The following PCDH9 variants were observed in gnomAD, a reference collection of about 807,000 sequenced individuals.
PCDH9 encodes protocadherin-9.
Under a neutral mutation model 70.6 loss-of-function variants are expected in PCDH9, and 24 were observed. The ratio of observed to expected loss-of-function variants is 0.34; its 90% confidence interval spans 0.25 to 0.48. The LOEUF (loss-of-function observed/expected upper bound fraction) is 0.48, where lower values mean the gene tolerates loss of function less well. Ranked by LOEUF, PCDH9 falls within the 20% of genes least tolerant of loss-of-function variation. PCDH9 has a pLI of 0.99. For missense variants in PCDH9, 1,281 were observed against 1,503.6 expected (o/e 0.85, Z 2.45); for synonymous variants, 562 against 558.5 (o/e 1.01, Z -0.09).
chr13:66,702,478 T>A lies in PCDH9; in HGVS notation c.3139-71067A>T, dbSNP rs138990404. ...GATCGGTTATGTGGGATAAATAACT[T>A]CTAAAGATCTAATGTGTAACATGGA... is the stretch of plus-strand genomic sequence containing the variant. On this transcript the variant is annotated intron_variant, in intron 3 of 4. Transcript: ENST00000377865. 2.9e-3 allele frequency among the ~76,000 whole-genome samples: 444 copies of A among 152,274 alleles called. 1 individual carries two copies. The highest frequency in any genetic ancestry group is 0.01 in the African/African-American group (424 of 41,558).
intron 4 of PCDH9, among the ~76,000 whole-genome samples, chr13:66,453,438 C>G (rs1958254395): frequency 1.3e-5 from 2 of 152,128 alleles, no homozygotes; most frequent in Admixed American, 6.6e-5. Context: ...ATATTGTTCC[C>G]TAATATTTTC....
At chr13:66,744,830 A>G (rs1405839267) in intron 3 of PCDH9, among the ~76,000 whole-genome samples, 1 of 152,140 alleles carries the variant, frequency 6.6e-6, no homozygotes, top group Non-Finnish European at 1.5e-5. Context: ...TCTCAAATAT[A>G]TATTAGTTCT....
rs942773156 is a variant in PCDH9, at chr13:66,932,328, T to G, written c.3037-28723A>C. On this transcript the variant is annotated intron_variant, in intron 2 of 4. Coordinates refer to ENST00000377865, the MANE Select transcript of PCDH9 (RefSeq NM_203487.3). Reference sequence around the variant, plus strand: ...AGCCAGGAGCATCCTTTCTGTTGTCTTTCAGCCATAAATCACTTTGAAGAA... The same window carrying G: ...AGCCAGGAGCATCCTTTCTGTTGTCGTTCAGCCATAAATCACTTTGAAGAA... Among the ~76,000 whole-genome samples, 4 of 152,270 alleles carry G rather than the reference T, an allele frequency of 2.6e-5. No homozygotes were observed. The East Asian group carries it at 7.7e-4, about 29-fold the overall frequency.
intron 2 of PCDH9, among the ~76,000 whole-genome samples, chr13:66,980,742 G>GTTTTTTTTTCTTTTTTTTTTTTTTTT (rs2083742387): frequency 9.3e-6 from 1 of 107,384 alleles, no homozygotes. Flanking sequence ...TTTTTTTTTT[G>GTTTTTTTTTCTTTTTTTTTTTTTTTT]TTTTTTTTTT....
intron 2 of PCDH9, among the ~76,000 whole-genome samples, chr13:66,929,498 A>G (rs1284183219): frequency 2.6e-5 from 4 of 151,762 alleles, no homozygotes. Context: ...TAATTTTTGT[A>G]TTTTTAGTAC....
intron 2 of PCDH9, among the ~76,000 whole-genome samples, chr13:66,924,669 T>C (rs1303364653): frequency 6.6e-6 from 1 of 151,860 alleles, no homozygotes; most frequent in Non-Finnish European, 1.5e-5. Flanking sequence ...TTAATACTTA[T>C]ATAAAAACTA....
At chr13:67,157,602 C>T (rs1325853139) in intron 2 of PCDH9, among the ~76,000 whole-genome samples, 2 of 152,028 alleles carry the variant, frequency 1.3e-5, no homozygotes, top group African/African-American at 4.8e-5. Flanking sequence ...AACTAAATGT[C>T]TGTAACTGAG....
chr13:67,152,282 T>C (rs117648192), intron 2 of PCDH9, among the ~76,000 whole-genome samples: 1 of 152,198 alleles, frequency 6.6e-6, no homozygotes, highest in Admixed American at 6.5e-5. Flanking sequence ...CCTGATACAA[T>C]TTAGTTCAAA....
intron 2 of PCDH9, among the ~76,000 whole-genome samples, chr13:67,089,880 C>A (rs771153000): frequency 3.3e-5 from 5 of 151,874 alleles, no homozygotes; most frequent in Non-Finnish European, 7.4e-5. Flanking sequence ...CTGGAGTCAG[C>A]GTTTCCTGTA....
chr13:66,856,081 T>C (rs1015876682), intron 3 of PCDH9, among the ~76,000 whole-genome samples: 3 of 152,022 alleles, frequency 2.0e-5, no homozygotes. Flanking sequence ...CTGTTTTATC[T>C]TCAGATTTTC....
chr13:66,755,684 G>T (rs975209184), intron 3 of PCDH9, among the ~76,000 whole-genome samples: 18 of 152,064 alleles, frequency 1.2e-4, no homozygotes, highest in Non-Finnish European at 2.9e-5. Flanking sequence ...GAGGGTCCAA[G>T]ATGTTGGTAA....
chr13:66,785,734 C>T (rs1309155941), intron 3 of PCDH9, among the ~76,000 whole-genome samples: 6 of 151,814 alleles, frequency 4.0e-5, no homozygotes, highest in Admixed American at 3.9e-4. Flanking sequence ...TTAATTCACT[C>T]TTTCACCATT....
intron 4 of PCDH9, among the ~76,000 whole-genome samples, chr13:66,310,309 A>G (rs2138062136): frequency 6.6e-6 from 1 of 152,166 alleles, no homozygotes; most frequent in Non-Finnish European, 1.5e-5. Flanking sequence ...ACCAAATAAA[A>G]TATTTTTCAA....
chr13:66,985,349 T>G (rs1427219525), intron 2 of PCDH9: 1 of 152,122 alleles, frequency 6.6e-6, no homozygotes, highest in African/African-American at 2.4e-5. Flanking sequence ...AAATATTAAT[T>G]TAAAATTTAT....
chr13:66,329,538 C>A (rs529287237), intron 4 of PCDH9, among the ~76,000 whole-genome samples: 1 of 152,234 alleles, frequency 6.6e-6, no homozygotes, highest in Admixed American at 6.5e-5. Context: ...GAGAGTATAG[C>A]ACTGTAAAGA....
At position 66,557,563 on chromosome 13, in the gene PCDH9, T is replaced by C. The variant is rs1013386199; in HGVS notation, c.3340+73647A>G. Reference sequence around the variant, plus strand: ...ATAATTACATGGTGATTTATATTGCTTTCTCTTCGCTGTAACAGAAACCAG... The same window carrying C: ...ATAATTACATGGTGATTTATATTGCCTTCTCTTCGCTGTAACAGAAACCAG... On this transcript the variant is annotated intron_variant, in intron 4 of 4. Transcript: ENST00000377865. 3.3e-5 allele frequency among the ~76,000 whole-genome samples: 5 copies of C among 152,356 alleles called. No individual in the cohort carries two copies. In the East Asian group the frequency reaches 5.8e-4, roughly 18 times the overall value.
In PCDH9 at chr13:66,421,128, G is replaced by GA. The variant is rs561862543; in HGVS notation, c.3341-116101dup. ...AATAAAGTGTGAAGACAAGATTAGA[G>GA]AAAAAAAAAAGGAAAGCAATGAACA... is the stretch of plus-strand genomic sequence containing the variant. On this transcript the variant is annotated intron_variant, in intron 4 of 4. Coordinates refer to ENST00000377865, the MANE Select transcript of PCDH9 (RefSeq NM_203487.3). Among the ~76,000 whole-genome samples, 344 of 145,140 alleles carry GA rather than the reference G, an allele frequency of 2.4e-3. 1 individual carries two copies. Among genetic ancestry groups the GA allele is most frequent in the Non-Finnish European group, 3.8e-3 (252 of 65,868 alleles).
At chr13:67,090,533 T>C (rs1566418164) in intron 2 of PCDH9, among the ~76,000 whole-genome samples, 2 of 151,556 alleles carry the variant, frequency 1.3e-5, no homozygotes, top group Admixed American at 1.3e-4. Flanking sequence ...TGGCAAACAC[T>C]GTTATAACTT....
intron 2 of PCDH9, among the ~76,000 whole-genome samples, chr13:66,949,294 C>T (rs2083139944): frequency 6.6e-6 from 1 of 152,048 alleles, no homozygotes; most frequent in East Asian, 1.9e-4. Flanking sequence ...TCCAAATATG[C>T]TAAAACAACA....
Sources: gnomAD v4.1 joint callset for allele counts (sites outside exome capture counted in the v4.1 genomes callset) on GRCh38, gnomAD v4.1.1 for gene constraint, MANE v1.5 for transcripts, NCBI Gene and HGNC (gene_info 2026-07-23, HGNC 2026-07-21) for gene names.